Variants in LUZP2 observed in about 807,000 individuals in gnomAD.
The protein encoded by LUZP2 is leucine zipper protein 2.
LUZP2 carries 52 observed loss-of-function variants against 51.6 expected under a neutral mutation model. That is an observed-to-expected ratio of 1.01 (90% CI 0.81 to 1.27). The LOEUF (loss-of-function observed/expected upper bound fraction) is 1.27. Among genes scored for constraint, LUZP2 ranks in the 50% most tolerant of loss-of-function variants. The pLI is 0.00. For missense variants in LUZP2, 436 were observed against 395.4 expected (o/e 1.10, Z -0.87); for synonymous variants, 154 against 137.3 (o/e 1.12, Z -0.85).
At chr11:24,588,789 C>T (rs1050907726) in intron 1 of LUZP2, among the ~76,000 whole-genome samples, 1 of 151,916 alleles carries the variant, frequency 6.6e-6, no homozygotes, top group Non-Finnish European at 1.5e-5. Flanking sequence ...GGGGACTACT[C>T]TTATAGATGA....
chr11:24,803,130 G>C (rs1475030860), intron 5 of LUZP2, among the ~76,000 whole-genome samples: 1 of 151,938 alleles, frequency 6.6e-6, no homozygotes, highest in East Asian at 1.9e-4. Flanking sequence ...TGTTTGACAA[G>C]GGATTAATAC....
chr11:24,810,022 G>T (rs923080304), intron 5 of LUZP2, among the ~76,000 whole-genome samples: 10 of 152,144 alleles, frequency 6.6e-5, no homozygotes, highest in African/African-American at 2.4e-4. Context: ...ACTGAGTAAC[G>T]CATTCAACCT....
chr11:24,574,216 CTTTCTTTCTTTCTTTCTTTCTTTCTTT>C lies in LUZP2; in HGVS notation c.62+76912_62+76938del, dbSNP rs1852542594. ...TTTCTTTCTCTTTCTTCCTTCCTTT[CTTTCTTTCTTTCTTTCTTTCTTTCTTT>C]CTTTCTTTCTTTCTTTCTTGCTTTC... On this transcript the variant is annotated intron_variant, in intron 1 of 11. Coordinates refer to ENST00000336930, the MANE Select transcript of LUZP2 (RefSeq NM_001009909.4). Among the ~76,000 whole-genome samples the C allele has an allele frequency of 1.7e-3, 143 of 81,926 alleles. 6 individuals carry two copies. Among genetic ancestry groups the C allele is most frequent in the African/African-American group, 4.3e-3 (109 of 25,330 alleles). 53.7% of individuals were successfully genotyped at this position (81,926 alleles called of 152,430 possible).
At chr11:24,932,392 C>T (rs1265310737) in intron 7 of LUZP2, among the ~76,000 whole-genome samples, 1 of 152,044 alleles carries the variant, frequency 6.6e-6, no homozygotes, top group African/African-American at 2.4e-5. Flanking sequence ...TCTTTGGCTA[C>T]CACAGGGGGT....
At chr11:24,506,845 C>A (rs1850159805) in intron 1 of LUZP2, among the ~76,000 whole-genome samples, 1 of 152,016 alleles carries the variant, frequency 6.6e-6, no homozygotes, top group Non-Finnish European at 1.5e-5. Context: ...CTAAGAATGG[C>A]TTTATGAATG....
chr11:24,890,600 T>C (rs1339808565), intron 5 of LUZP2, among the ~76,000 whole-genome samples: 1 of 152,096 alleles, frequency 6.6e-6, no homozygotes, highest in Non-Finnish European at 1.5e-5. Context: ...TTAAAGAGGA[T>C]CATCAAAAGT....
chr11:24,720,283 G>A (rs1359854569), intron 1 of LUZP2, among the ~76,000 whole-genome samples: 1 of 151,944 alleles, frequency 6.6e-6, no homozygotes, highest in Non-Finnish European at 1.5e-5. Context: ...CATGAGATAA[G>A]CAAAACTTAG....
intron 1 of LUZP2, among the ~76,000 whole-genome samples, chr11:24,643,038 T>C (rs929638044): frequency 2.6e-5 from 4 of 151,404 alleles, no homozygotes; most frequent in African/African-American, 7.3e-5. Context: ...TTTCAAGAGG[T>C]AGAAAAAATT....
chr11:24,912,936 T>A (rs752046407), intron 6 of LUZP2, among the ~76,000 whole-genome samples: 1 of 152,210 alleles, frequency 6.6e-6, no homozygotes, highest in African/African-American at 2.4e-5. Flanking sequence ...GCAGACATTC[T>A]TTATTAAAAA....
At chr11:24,573,345 C>G (rs1488820099) in intron 1 of LUZP2, among the ~76,000 whole-genome samples, 1 of 151,890 alleles carries the variant, frequency 6.6e-6, no homozygotes, top group Non-Finnish European at 1.5e-5. Flanking sequence ...GATTTTCATT[C>G]CAGCTTTGCA....
intron 1 of LUZP2, among the ~76,000 whole-genome samples, chr11:24,514,999 C>T (rs1445517889): frequency 1.3e-5 from 2 of 152,106 alleles, no homozygotes; most frequent in East Asian, 1.9e-4. Flanking sequence ...GGTGAACAAT[C>T]GTTGTCATTG....
At chr11:24,576,627 A>G (rs1590200645) in intron 1 of LUZP2, among the ~76,000 whole-genome samples, 1 of 152,076 alleles carries the variant, frequency 6.6e-6, no homozygotes, top group Non-Finnish European at 1.5e-5. Context: ...CGAATTGCCA[A>G]TGCCAAACAT....
At chr11:24,958,871 G>A (rs530059417) in intron 7 of LUZP2, among the ~76,000 whole-genome samples, 3 of 152,228 alleles carry the variant, frequency 2.0e-5, no homozygotes, top group East Asian at 1.9e-4. Flanking sequence ...TTCTTCTAGG[G>A]TTTTTATGGT....
intron 7 of LUZP2, among the ~76,000 whole-genome samples, chr11:24,915,498 C>T (rs1230695889): frequency 6.6e-6 from 1 of 152,086 alleles, no homozygotes; most frequent in Non-Finnish European, 1.5e-5. Flanking sequence ...CGAGAAGATT[C>T]TCCAAACTAG....
At chr11:24,799,942 A>G (rs1849650733) in intron 5 of LUZP2, among the ~76,000 whole-genome samples, 1 of 152,206 alleles carries the variant, frequency 6.6e-6, no homozygotes, top group Non-Finnish European at 1.5e-5. Context: ...GCAATAAATG[A>G]TAATTGTAAT....
Position 24,891,388 on chromosome 11 carries a change from A to T in LUZP2, c.397-14603A>T, listed in dbSNP as rs921417393. The T allele has an allele frequency of 1.1e-5, 11 of 956,558 alleles. No homozygotes were observed. The African/African-American group carries it at 1.4e-4, about 12-fold the overall frequency. The allele number at this position is 956,558 out of a possible 1,614,324, so 59.3% of individuals were successfully genotyped here. On this transcript the variant is annotated intron_variant, in intron 5 of 11. Coordinates refer to ENST00000336930, the MANE Select transcript of LUZP2 (RefSeq NM_001009909.4). ...CATACACATATATACACTATGTTAC[A>T]TACACCCACATTCATTATATCATTA...
chr11:24,557,157 G>C (rs984480300), intron 1 of LUZP2, among the ~76,000 whole-genome samples: 4 of 150,078 alleles, frequency 2.7e-5, no homozygotes, highest in Non-Finnish European at 6.0e-5. Flanking sequence ...CTGATGACTT[G>C]TCTTTATTTG....
chr11:24,682,513 A>C (rs1459194358), intron 1 of LUZP2, among the ~76,000 whole-genome samples: 1 of 18,634 alleles, frequency 5.4e-5, no homozygotes, highest in Non-Finnish European at 9.6e-5. Context: ...AAAAATGCAA[A>C]AATGCAAATT....
chr11:24,930,280 T>C (rs897825019), intron 7 of LUZP2, among the ~76,000 whole-genome samples: 2 of 152,202 alleles, frequency 1.3e-5, no homozygotes, highest in Non-Finnish European at 2.9e-5. Context: ...TGCTATTTGT[T>C]GCCTGAATAC....
Sources: gnomAD v4.1 joint callset for allele counts (sites outside exome capture counted in the v4.1 genomes callset) on GRCh38, gnomAD v4.1.1 for gene constraint, MANE v1.5 for transcripts, NCBI Gene and HGNC (gene_info 2026-07-23, HGNC 2026-07-21) for gene names.